NCKAP1: variants seen among roughly 807,000 people sequenced by gnomAD.
NCKAP1 encodes the protein NCK associated protein 1, also known as nck-associated protein 1.
A neutral mutation model predicts 151.2 loss-of-function variants in NCKAP1; 21 were observed. That is an observed-to-expected ratio of 0.14 (90% CI 0.10 to 0.20). The LOEUF is 0.20. Among genes scored for constraint, NCKAP1 ranks in the 10% least tolerant of loss-of-function variants. The pLI is 1.00. For synonymous variants in NCKAP1, 484 were observed against 451.8 expected, an observed-to-expected ratio of 1.07 and a Z score of -0.90; for missense variants, 933 against 1,352.1, an observed-to-expected ratio of 0.69 and a Z score of 4.86.
chr2:182,935,148 T>G lies in NCKAP1; in HGVS notation c.2778+145A>C, dbSNP rs941960265. On this transcript the variant is annotated intron_variant, in intron 25 of 30. Coordinates refer to ENST00000361354, the MANE Select transcript of NCKAP1 (RefSeq NM_013436.5). ...AAAAAATGAGCTTAAATAACTAATT[T>G]TATGTATGTTATTTTCTGTAACTAC... is the stretch of plus-strand genomic sequence containing the variant. 3.2e-5 allele frequency: 21 copies of G among 657,262 alleles called. No individual in the cohort carries two copies. The African/African-American group carries it at 3.4e-4, about 11-fold the overall frequency. 40.7% of individuals were successfully genotyped at this position (657,262 alleles called of 1,614,324 possible).
At chr2:183,019,348 GA>G (rs200853290) in intron 2 of NCKAP1, among the ~76,000 whole-genome samples, 1 of 150,178 alleles carries the variant, frequency 6.7e-6, no homozygotes, top group Admixed American at 6.6e-5. Flanking sequence ...ATAGGAAAGA[GA>G]AAAAAAAAGT....
intron 15 of NCKAP1, among the ~76,000 whole-genome samples, chr2:182,967,646 C>G (rs1489089847): frequency 3.9e-5 from 6 of 152,076 alleles, no homozygotes; most frequent in Non-Finnish European, 8.8e-5. Flanking sequence ...AAGTGTAAAA[C>G]AATTAATTGT....
chr2:182,953,869 T>C (rs979519050), intron 20 of NCKAP1, among the ~76,000 whole-genome samples: 2 of 152,144 alleles, frequency 1.3e-5, no homozygotes, highest in Non-Finnish European at 1.5e-5. Context: ...ATTCTAAGTA[T>C]ACCAGTAACA....
intron 18 of NCKAP1, among the ~76,000 whole-genome samples, chr2:182,958,441 G>A (rs1416892122): frequency 6.6e-6 from 1 of 152,194 alleles, no homozygotes; most frequent in Non-Finnish European, 1.5e-5. Context: ...ACCATGCCTG[G>A]CCATGAAGAG....
chr2:183,009,520 A>T (rs532941826), intron 2 of NCKAP1, among the ~76,000 whole-genome samples: 2 of 151,544 alleles, frequency 1.3e-5, no homozygotes, highest in Non-Finnish European at 2.9e-5. Context: ...GGTTATCCTA[A>T]CACTAGCCTA....
chr2:182,952,617 G>T, intron 22 of NCKAP1, 115 bp from the exon 23 acceptor site: 1 of 1,086,482 alleles, frequency 9.2e-7, no homozygotes, highest in Non-Finnish European at 1.3e-6. Context: ...CCTGATAAAA[G>T]TCTCTAGAGT....
rs761361556 is a variant in NCKAP1, at chr2:182,986,194, G to A, written c.981C>T (p.Cys327=). ...ACGCATGTGACACGGCTGCCTCCTT[G>A]CATTCTCTTATGTCATTAATACGTT... The part of the protein sequence containing the change: ...YNKRINDIRE[C]KEAAVSHAGS... The change falls in exon 10 of 31, where the codon TGC becomes TGT. Residue 327 remains cysteine (C), a synonymous_variant. Transcript: ENST00000361354. The A allele has an allele frequency of 1.2e-6, 2 of 1,613,706 alleles. No homozygotes were observed. Among genetic ancestry groups the A allele is most frequent in the South Asian group, 2.2e-5 (2 of 91,058 alleles).
chr2:182,946,714 T>C (rs1360841344), intron 23 of NCKAP1, among the ~76,000 whole-genome samples: 1 of 48,050 alleles, frequency 2.1e-5, no homozygotes, highest in Non-Finnish European at 4.4e-5. Flanking sequence ...AAGTCAGAGG[T>C]AAAAAAATAA....
At chr2:183,019,841 T>C (rs1308578007) in intron 2 of NCKAP1, among the ~76,000 whole-genome samples, 2 of 152,172 alleles carry the variant, frequency 1.3e-5, no homozygotes, top group Non-Finnish European at 2.9e-5. Context: ...TCCTAGATTT[T>C]CCCTAAACCC....
chr2:183,027,823 G>T (rs1698927496), intron 1 of NCKAP1, among the ~76,000 whole-genome samples: 1 of 152,084 alleles, frequency 6.6e-6, no homozygotes, highest in South Asian at 2.1e-4. Flanking sequence ...CTTTCATTTT[G>T]AGGATAAGAA....
intron 29 of NCKAP1, 21 bp from the exon 30 acceptor site, chr2:182,926,926 T>A: frequency 6.7e-7 from 1 of 1,494,886 alleles, no homozygotes; most frequent in African/African-American, 1.4e-5. Flanking sequence ...TACATACACA[T>A]AAAGTGAGTT....
intron 14 of NCKAP1, among the ~76,000 whole-genome samples, chr2:182,978,318 A>G (rs1426490531): frequency 2.6e-5 from 4 of 152,208 alleles, no homozygotes; most frequent in African/African-American, 4.8e-5. Flanking sequence ...TATGACATCA[A>G]TTTTTGAGAT....
At chr2:182,940,786 G>A (rs1162050551) in intron 24 of NCKAP1, among the ~76,000 whole-genome samples, 1 of 152,174 alleles carries the variant, frequency 6.6e-6, no homozygotes, top group African/African-American at 2.4e-5. Flanking sequence ...GTAACACACA[G>A]TGATATGTGT....
At chr2:183,014,115 A>G (rs566400776) in intron 2 of NCKAP1, among the ~76,000 whole-genome samples, 1 of 152,330 alleles carries the variant, frequency 6.6e-6, no homozygotes, top group East Asian at 1.9e-4. Context: ...GTTCAACATA[A>G]TATAAGCTCT....
At chr2:182,990,259 A>G (rs1698140578) in intron 8 of NCKAP1, among the ~76,000 whole-genome samples, 1 of 151,682 alleles carries the variant, frequency 6.6e-6, no homozygotes, top group African/African-American at 2.4e-5. Context: ...GCTGGTCTCA[A>G]TCTTCTGGTC....
intron 1 of NCKAP1, among the ~76,000 whole-genome samples, chr2:183,031,891 G>C (rs1447924528): frequency 1.3e-5 from 2 of 152,120 alleles, no homozygotes; most frequent in Non-Finnish European, 2.9e-5. Flanking sequence ...CCATGGAGCT[G>C]GTTTTGCTAG....
chr2:182,934,623 A>G, intron 26 of NCKAP1, 129 bp downstream of exon 26: 1 of 576,550 alleles, frequency 1.7e-6, no homozygotes, highest in Non-Finnish European at 3.1e-6. Flanking sequence ...TACAAAGGCA[A>G]GCATGCTAAC....
rs552268238 is a variant in NCKAP1, at chr2:182,923,957, A to C, written c.*1745T>G. 6.6e-6 allele frequency: 1 copy of C among 152,154 alleles called. No homozygotes were observed. The highest frequency in any genetic ancestry group is 2.4e-5 in the African/African-American group (1 of 41,434). The allele number at this position is 152,154 out of a possible 1,614,324, so 9.4% of individuals were successfully genotyped here. A position where few individuals can be genotyped will look rare whatever the true frequency, so the allele number is the denominator to read the frequency against. On this transcript the variant is annotated 3_prime_UTR_variant, in exon 31 of 31. Transcript: ENST00000361354. ...CTTATGCCCTTTCACATATGATTCC[A>C]AAGTGTACATATCCAAATTCCTACT... is the stretch of plus-strand genomic sequence containing the variant.
rs1697967277 is a variant in NCKAP1 at position 182,982,811 on chromosome 2, GCTAA to G, written c.1208+6_1208+9del. ...TACAGAAAATATTTTTTTAAATGTT[GCTAA>G]CTTACTTATCTATAAAGTCGTCTGC... is the stretch of plus-strand genomic sequence containing the variant. On this transcript the variant is annotated splice_donor_region_variant and intron_variant, in intron 12 of 30. Transcript: ENST00000361354. 2 of 1,551,286 alleles carry G rather than the reference GCTAA, an allele frequency of 1.3e-6. No individual in the cohort carries two copies. Among genetic ancestry groups the G allele is most frequent in the African/African-American group, 2.8e-5 (2 of 72,368 alleles).
Sources: gnomAD v4.1 joint callset for allele counts (sites outside exome capture counted in the v4.1 genomes callset) on GRCh38, gnomAD v4.1.1 for gene constraint, MANE v1.5 for transcripts, NCBI Gene and HGNC (gene_info 2026-07-23, HGNC 2026-07-21) for gene names.